CACNA1C: variants seen among roughly 807,000 people sequenced by gnomAD.
CACNA1C encodes the protein voltage-dependent L-type calcium channel subunit alpha-1C.
Under a neutral mutation model 229.0 loss-of-function variants are expected in CACNA1C, and 30 were observed. That is an observed-to-expected ratio of 0.13 (90% CI 0.10 to 0.18). The LOEUF (loss-of-function observed/expected upper bound fraction) is 0.18. Among genes scored for constraint, CACNA1C ranks in the 10% least tolerant of loss-of-function variants. The probability of loss-of-function intolerance (pLI) is 1.00; values close to 1 mark genes in which losing one functional copy is unlikely to be tolerated. For synonymous variants in CACNA1C, 1,114 were observed against 1,132.5 expected, an observed-to-expected ratio of 0.98 and a Z score of 0.33; for missense variants, 1,658 against 2,845.0, an observed-to-expected ratio of 0.58 and a Z score of 9.49.
intron 3 of CACNA1C, among the ~76,000 whole-genome samples, chr12:2,292,621 G>A (rs140215576): frequency 7.1e-4 from 108 of 152,294 alleles, no homozygotes; most frequent in African/African-American, 2.4e-3. Flanking sequence ...ATACTGTACC[G>A]GCACTGGCAG....
At chr12:2,135,661 C>T (rs368517739) in intron 3 of CACNA1C, among the ~76,000 whole-genome samples, 36 of 143,624 alleles carry the variant, frequency 2.5e-4, no homozygotes, top group Middle Eastern at 3.4e-3. Context: ...GCAGTCTGCC[C>T]GTTCTCAGAT....
chr12:2,190,390 C>A (rs2097173413), intron 3 of CACNA1C, among the ~76,000 whole-genome samples: 1 of 152,158 alleles, frequency 6.6e-6, no homozygotes, highest in South Asian at 2.1e-4. Flanking sequence ...TGCCCCATTC[C>A]CTCCATCAGC....
At chr12:2,234,654 T>C (rs2154366633) in intron 3 of CACNA1C, among the ~76,000 whole-genome samples, 1 of 152,184 alleles carries the variant, frequency 6.6e-6, no homozygotes, top group South Asian at 2.1e-4. Flanking sequence ...TTCACAAAAA[T>C]TTTCTGTGTG....
chr12:2,359,059 C>G (rs2154529939), intron 3 of CACNA1C, among the ~76,000 whole-genome samples: 1 of 152,280 alleles, frequency 6.6e-6, no homozygotes, highest in African/African-American at 2.4e-5. Flanking sequence ...TCATATCATC[C>G]CCATGAGAAA....
intron 5 of CACNA1C, among the ~76,000 whole-genome samples, chr12:2,485,164 G>A (rs2099693059): frequency 6.6e-6 from 1 of 152,076 alleles, no homozygotes; most frequent in African/African-American, 2.4e-5. Context: ...TGTCCTGTGT[G>A]TCAGAGGTGG....
chr12:2,438,072 G>A (rs1433090884), intron 3 of CACNA1C, among the ~76,000 whole-genome samples: 2 of 150,574 alleles, frequency 1.3e-5, no homozygotes, highest in East Asian at 3.9e-4. Flanking sequence ...GATGATGGTA[G>A]TGATGGTGGT....
chr12:2,414,125 G>A (rs931935166), intron 3 of CACNA1C, among the ~76,000 whole-genome samples: 4 of 127,970 alleles, frequency 3.1e-5, no homozygotes, highest in Non-Finnish European at 3.4e-5. Context: ...GATAAGTGGC[G>A]TAATCTCTGA....
rs534893251 is a variant in CACNA1C, at chr12:2,525,352, GATA to G, written c.1390+12369_1390+12371del. ...ATTGGAAAGAGCCTGCATCCACTGG[GATA>G]GGGTCCTAAGGGCTGGCAGGCCCTG... On this transcript the variant is annotated intron_variant, in intron 9 of 46. Coordinates refer to ENST00000399655, the MANE Select transcript of CACNA1C (RefSeq NM_000719.7). Among the ~76,000 whole-genome samples, 275 of 152,298 alleles carry G rather than the reference GATA, an allele frequency of 1.8e-3. 2 individuals are homozygous for G. The highest frequency in any genetic ancestry group is 6.5e-3 in the African/African-American group (271 of 41,562).
intron 3 of CACNA1C, among the ~76,000 whole-genome samples, chr12:2,121,705 C>G (rs1274814564): frequency 6.6e-6 from 1 of 152,226 alleles, no homozygotes; most frequent in Non-Finnish European, 1.5e-5. Flanking sequence ...GAAATCTTTA[C>G]TGTGTCAAAA....
At chr12:2,682,471 T>C (rs930021777) in intron 42 of CACNA1C, 79 bp from the exon 43 acceptor site, 6 of 1,518,944 alleles carry the variant, frequency 4.0e-6, no homozygotes, top group Non-Finnish European at 5.4e-6. Flanking sequence ...TGTGTGTGCG[T>C]GTGTGATGCT....
At chr12:2,124,422 T>A (rs1445857207) in intron 3 of CACNA1C, among the ~76,000 whole-genome samples, 3 of 152,072 alleles carry the variant, frequency 2.0e-5, no homozygotes, top group East Asian at 3.9e-4. Context: ...ATACATGTGG[T>A]CACATTCTTT....
chr12:2,139,536 T>C (rs1294277391), intron 3 of CACNA1C, among the ~76,000 whole-genome samples: 1 of 151,014 alleles, frequency 6.6e-6, no homozygotes, highest in Non-Finnish European at 1.5e-5. Context: ...GGCCAGGCTG[T>C]TAGAGTGTTT....
chr12:2,131,846 T>G (rs1358956695), intron 3 of CACNA1C, among the ~76,000 whole-genome samples: 1 of 148,496 alleles, frequency 6.7e-6, no homozygotes, highest in Non-Finnish European at 1.5e-5. Context: ...GTGAAGAAAG[T>G]CATTGGTAGC....
At chr12:2,429,467 T>C (rs1435161608) in intron 3 of CACNA1C, among the ~76,000 whole-genome samples, 2 of 152,182 alleles carry the variant, frequency 1.3e-5, no homozygotes, top group African/African-American at 2.4e-5. Context: ...GCACTGGGGT[T>C]GGAGTCAGAA....
At position 2,601,727 on chromosome 12, in the gene CACNA1C, T is replaced by G. The variant is rs561385976; in HGVS notation, c.2854-127T>G. ...GGCACCATAGCGCCGTCTTTGTCCT[T>G]CCTGTTCCCCATGGATGGTGCTTGG... On this transcript the variant is annotated intron_variant, in intron 21 of 46. Transcript: ENST00000399655. This position sits in a 1 kb window ranked among gnomAD's most constrained non-coding sequence, Gnocchi z 5.9. The G allele has an allele frequency of 2.8e-6, 2 of 718,726 alleles. No individual in the cohort carries two copies. Among genetic ancestry groups the G allele is most frequent in the African/African-American group, 3.5e-5 (2 of 57,824 alleles). 44.5% of individuals were successfully genotyped at this position (718,726 alleles called of 1,614,324 possible). A position where few individuals can be genotyped will look rare whatever the true frequency, so the allele number is the denominator to read the frequency against.
At chr12:2,513,798 A>T (rs1467634524) in intron 9 of CACNA1C, among the ~76,000 whole-genome samples, 1 of 152,108 alleles carries the variant, frequency 6.6e-6, no homozygotes, top group Admixed American at 6.5e-5. Context: ...CCCACTCCAG[A>T]TCTATTGACC....
intron 8 of CACNA1C, among the ~76,000 whole-genome samples, chr12:2,508,042 C>T (rs1303623660): frequency 6.6e-6 from 1 of 152,234 alleles, no homozygotes; most frequent in Non-Finnish European, 1.5e-5. Flanking sequence ...GCTGCGAAGG[C>T]AACCGCCCAG....
chr12:2,420,427 G>C (rs73040095), intron 3 of CACNA1C, among the ~76,000 whole-genome samples: 1,742 of 152,262 alleles, frequency 0.011, 18 homozygotes, highest in Non-Finnish European at 0.016. Flanking sequence ...CCTGATAAAG[G>C]AAAGGCTTCT....
At position 2,593,237 on chromosome 12, in the gene CACNA1C, A is replaced by G; in HGVS notation, c.2555A>G (p.Glu852Gly). 6.2e-7 allele frequency: 1 copy of G among 1,613,790 alleles called. No homozygotes were observed. Among genetic ancestry groups the G allele is most frequent in the Non-Finnish European group, 8.5e-7 (1 of 1,179,796 alleles). ...TTGEEDEEEP[E>G]MPVGPRPRPL... ...GGAGAAGAGGATGAGGAGGAGCCAG[A>G]GATGCCTGTCGGCCCTCGCCCACGA... Residue 852 changes from glutamate to glycine, a missense_variant, in exon 19 of 47, where the codon GAG becomes GGG. By Grantham distance (98) the Glu-to-Gly change is moderately conservative. Around this residue, in one of 20 missense-constraint regions of CACNA1C, gnomAD observed 121 missense variants for 128.8 expected, o/e 0.94. Coordinates refer to ENST00000399655, the MANE Select transcript of CACNA1C (RefSeq NM_000719.7).
Sources: gnomAD v4.1 joint callset for allele counts (sites outside exome capture counted in the v4.1 genomes callset) on GRCh38, gnomAD v4.1.1 for gene constraint, gnomAD v4.1.1 regional missense constraint, Gnocchi (gnomAD v3.1) non-coding constraint, MANE v1.5 for transcripts, NCBI Gene and HGNC (gene_info 2026-07-23, HGNC 2026-07-21) for gene names.